Variants in UNC80 observed in about 807,000 individuals in gnomAD.
UNC80 encodes the protein unc-80 subunit of NALCN channel complex.
In UNC80, 164 loss-of-function variants were observed where a neutral mutation model predicts 384.6. That is an observed-to-expected ratio of 0.43 (90% CI 0.38 to 0.49). UNC80 has a LOEUF of 0.49. Among genes scored for constraint, UNC80 ranks in the 20% least tolerant of loss-of-function variants. The pLI, the probability that UNC80 is intolerant of heterozygous loss-of-function variation, is 0.00. For synonymous variants in UNC80, 1,486 were observed against 1,527.8 expected (o/e 0.97, Z 0.64); for missense variants, 3,330 against 4,143.0 (o/e 0.80, Z 5.39).
intron 60 of UNC80, among the ~76,000 whole-genome samples, chr2:209,983,500 G>A (rs1575221907): frequency 6.6e-6 from 1 of 152,100 alleles, no homozygotes; most frequent in East Asian, 1.9e-4. Context: ...TACACAAAAA[G>A]TGTGAACAAA....
chr2:209,791,382 G>A (rs2077787993), intron 6 of UNC80, among the ~76,000 whole-genome samples: 1 of 151,198 alleles, frequency 6.6e-6, no homozygotes, highest in Admixed American at 6.6e-5. Context: ...TTTTTTTTGT[G>A]CCTCCCACCA....
chr2:209,788,541 A>G (rs1265236697), intron 5 of UNC80, among the ~76,000 whole-genome samples: 2 of 147,820 alleles, frequency 1.4e-5, no homozygotes, highest in African/African-American at 4.9e-5. Flanking sequence ...ACTAGTATAT[A>G]TAATAATATA....
chr2:209,910,876 A>G (rs2088852234), intron 29 of UNC80, among the ~76,000 whole-genome samples: 1 of 152,188 alleles, frequency 6.6e-6, no homozygotes, highest in Admixed American at 6.5e-5. Context: ...ATCATTTAAA[A>G]TTGTGTGCCA....
At chr2:209,859,962 C>T (rs780599543) in intron 22 of UNC80, among the ~76,000 whole-genome samples, 3 of 152,132 alleles carry the variant, frequency 2.0e-5, no homozygotes, top group Non-Finnish European at 2.9e-5. Context: ...AATTTTCTCC[C>T]ATTCTGTAGG....
chr2:209,966,897 C>G (rs2092756641), intron 51 of UNC80, among the ~76,000 whole-genome samples: 1 of 152,116 alleles, frequency 6.6e-6, no homozygotes, highest in African/African-American at 2.4e-5. Flanking sequence ...GGAAATGGAG[C>G]CTGAAGAACC....
In UNC80 at chr2:209,970,851, C is replaced by T; in HGVS notation, c.8150C>T (p.Pro2717Leu). Residue 2717 changes from proline (P) to leucine (L), a missense_variant, in exon 54 of 65, where the codon CCT becomes CTT. Transcript: ENST00000673920. ...TTTCAGGTGATGGGAGTGGTAGGAC[C>T]TTCCAGTGTTGCTGATGGATTACCC... ...CVNLVMGVVG[P>L]SSVADGLPLL... 1.9e-6 allele frequency: 3 copies of T among 1,551,592 alleles called. No individual in the cohort carries two copies. Among genetic ancestry groups the T allele is most frequent in the Non-Finnish European group, 2.6e-6 (3 of 1,146,930 alleles).
At chr2:209,868,238 T>C (rs952264940) in intron 22 of UNC80, among the ~76,000 whole-genome samples, 11 of 152,360 alleles carry the variant, frequency 7.2e-5, no homozygotes, top group African/African-American at 2.4e-4. Flanking sequence ...TTATTTCCAT[T>C]GGTTGTAGAT....
intron 28 of UNC80, among the ~76,000 whole-genome samples, chr2:209,901,140 A>G (rs555132150): frequency 3.5e-4 from 53 of 152,216 alleles, no homozygotes; most frequent in Non-Finnish European, 6.8e-4. Context: ...ATGATTTTTA[A>G]TGTAGAAGAG....
At chr2:209,937,007 G>A (rs2091293532) in intron 41 of UNC80, 74 bp downstream of exon 41, 10 of 1,019,650 alleles carry the variant, frequency 9.8e-6, no homozygotes, top group Non-Finnish European at 1.5e-5. Context: ...GTGGCTCACA[G>A]TCAGGGAGGC....
intron 7 of UNC80, among the ~76,000 whole-genome samples, chr2:209,808,524 T>TC (rs2079062283): frequency 8.3e-6 from 1 of 120,776 alleles, no homozygotes; most frequent in African/African-American, 2.9e-5. Context: ...ATCGCGCCAC[T>TC]AAAAAAAAAA....
intron 18 of UNC80, among the ~76,000 whole-genome samples, chr2:209,835,880 A>G (rs2081302890): frequency 6.6e-6 from 1 of 152,234 alleles, no homozygotes; most frequent in African/African-American, 2.4e-5. Context: ...AAATCTTCAA[A>G]GAAAAAATGC....
intron 61 of UNC80, among the ~76,000 whole-genome samples, chr2:209,986,193 A>T (rs1164217220): frequency 6.6e-6 from 1 of 152,218 alleles, no homozygotes; most frequent in African/African-American, 2.4e-5. Flanking sequence ...ATTCTTTCAA[A>T]GAAAGCAGGT....
chr2:209,896,909 T>A (rs1433888639), intron 28 of UNC80, among the ~76,000 whole-genome samples: 1 of 151,770 alleles, frequency 6.6e-6, no homozygotes, highest in Non-Finnish European at 1.5e-5. Flanking sequence ...GGGCACGGGG[T>A]GGAGTCCAAG....
intron 21 of UNC80, among the ~76,000 whole-genome samples, chr2:209,846,862 C>T (rs969046459): frequency 1.3e-5 from 2 of 151,914 alleles, no homozygotes; most frequent in Non-Finnish European, 2.9e-5. Flanking sequence ...ATATGGAATG[C>T]CAGCAGGATA....
Position 209,995,243 on chromosome 2 carries a change from A to G in UNC80, c.9709-86A>G, listed in dbSNP as rs1330931781. ...GACTAGCCATCTGATTCCTTTTCCA[A>G]TTACCACTAGACAACAACATTTTTT... On this transcript the variant is annotated intron_variant, in intron 64 of 64. Coordinates refer to ENST00000673920, the MANE Select transcript of UNC80 (RefSeq NM_001371986.1). 8 of 1,487,456 alleles carry G rather than the reference A, an allele frequency of 5.4e-6. No homozygotes were observed. The African/African-American group carries it at 5.6e-5, about 10-fold the overall frequency. 92.1% of individuals were successfully genotyped at this position (1,487,456 alleles called of 1,614,324 possible).
At chr2:209,966,566 A>G (rs2092747290) in intron 51 of UNC80, among the ~76,000 whole-genome samples, 1 of 152,212 alleles carries the variant, frequency 6.6e-6, no homozygotes, top group African/African-American at 2.4e-5. Flanking sequence ...TCTGAAGATT[A>G]TTTCATTAAC....
In UNC80 at chr2:209,776,008, C is replaced by T. The variant is rs758930052; in HGVS notation, c.261C>T (p.His87=). The part of the protein sequence containing the change: ...LVQAALPHVL[H]CTATLLSNRN... Reference sequence around the variant, plus strand: ...AAGCTGCTTTGCCTCATGTCCTCCACTGCACTGCAACCCTGCTTTCAAACC... The same window carrying T: ...AAGCTGCTTTGCCTCATGTCCTCCATTGCACTGCAACCCTGCTTTCAAACC... The change falls in exon 3 of 65, where the codon CAC becomes CAT. Residue 87 remains histidine (H), a synonymous_variant. Coordinates refer to ENST00000673920, the MANE Select transcript of UNC80 (RefSeq NM_001371986.1). The T allele has an allele frequency of 1.9e-6, 3 of 1,614,176 alleles. No individual in the cohort carries two copies. In the South Asian group the frequency reaches 3.3e-5, roughly 18 times the overall value.
At chr2:209,963,563 C>A (rs2125005046) in intron 51 of UNC80, among the ~76,000 whole-genome samples, 1 of 152,186 alleles carries the variant, frequency 6.6e-6, no homozygotes, top group South Asian at 2.1e-4. Context: ...TCAATGTTAT[C>A]TTTAAAATAA....
rs1434402125 is a variant in UNC80 at position 209,826,017 on chromosome 2, T to A, written c.2442T>A (p.Ser814=). The A allele has an allele frequency of 2.6e-6, 4 of 1,550,486 alleles. 1 individual carries two copies. In the South Asian group the frequency reaches 4.8e-5, roughly 18 times the overall value. The stretch of plus-strand genomic sequence containing the variant: ...GTGGTGAAGGACACCGAGGGCTCTC[T>A]GGAGATCGTCTGAGACACCAGGTAT... ...YGCGEGHRGL[S]GDRLRHQVFR... is the part of the protein sequence containing the mutation. The change falls in exon 14 of 65, where the codon TCT becomes TCA. Residue 814 remains serine, a synonymous_variant. Coordinates refer to ENST00000673920, the MANE Select transcript of UNC80 (RefSeq NM_001371986.1).
Sources: allele counts gnomAD v4.1 joint callset (sites outside exome capture counted in the v4.1 genomes callset), GRCh38; gene constraint gnomAD v4.1.1; transcripts MANE v1.5; gene names NCBI Gene and HGNC (gene_info 2026-07-23, HGNC 2026-07-21).